Variants in CACNG2 observed in about 807,000 individuals in gnomAD.
CACNG2 encodes the protein calcium voltage-gated channel auxiliary subunit gamma 2.
A neutral mutation model predicts 25.9 loss-of-function variants in CACNG2; 3 were observed. The ratio of observed to expected loss-of-function variants is 0.12; its 90% CI spans 0.05 to 0.30. CACNG2 has a LOEUF of 0.30. Ranked by LOEUF, CACNG2 falls within the 10% of genes least tolerant of loss-of-function variation. CACNG2 has a pLI of 1.00. For missense variants in CACNG2, 341 were observed against 432.5 expected (o/e 0.79, Z 1.88); for synonymous variants, 167 against 173.3 (o/e 0.96, Z 0.29).
chr22:36,655,724 T>C (rs981565102), intron 1 of CACNG2, among the ~76,000 whole-genome samples: 7,767 of 146,202 alleles, frequency 0.053, 732 homozygotes, highest in African/African-American at 0.2. Context: ...TCTTTCTTTC[T>C]TTTCTTTCTT....
At chr22:36,674,801 A>C (rs1325900240) in intron 1 of CACNG2, among the ~76,000 whole-genome samples, 1 of 152,176 alleles carries the variant, frequency 6.6e-6, no homozygotes, top group Non-Finnish European at 1.5e-5. Context: ...CACAGTGGGC[A>C]CCTGAGCCAG....
chr22:36,628,151 G>C (rs1194095739), intron 1 of CACNG2, among the ~76,000 whole-genome samples: 1 of 152,150 alleles, frequency 6.6e-6, no homozygotes, highest in Admixed American at 6.6e-5. Flanking sequence ...ATGTACTCAA[G>C]TTTTTATAAT....
At chr22:36,649,048 G>A (rs754616676) in intron 1 of CACNG2, among the ~76,000 whole-genome samples, 2 of 152,198 alleles carry the variant, frequency 1.3e-5, no homozygotes, top group Non-Finnish European at 2.9e-5. Flanking sequence ...CAAAGCCTCA[G>A]CAAATTGGCT....
chr22:36,578,949 T>C (rs903285449), intron 2 of CACNG2, among the ~76,000 whole-genome samples: 6 of 152,034 alleles, frequency 3.9e-5, no homozygotes, highest in African/African-American at 1.2e-4. Flanking sequence ...GAAACCAAGA[T>C]GAAACAGACC....
At chr22:36,590,261 C>A (rs1190951914) in intron 1 of CACNG2, among the ~76,000 whole-genome samples, 1 of 152,178 alleles carries the variant, frequency 6.6e-6, no homozygotes, top group African/African-American at 2.4e-5. Context: ...GAGATGCTAA[C>A]AGAGAGGCCG....
intron 2 of CACNG2, among the ~76,000 whole-genome samples, chr22:36,578,791 T>TC (rs1250972427): frequency 6.6e-6 from 1 of 152,158 alleles, no homozygotes; most frequent in African/African-American, 2.4e-5. Context: ...CCTTGTTTAT[T>TC]CACTTAGCAA....
Position 36,564,143 on chromosome 22 carries a change from A to C in CACNG2, c.*208T>G. On this transcript the variant is annotated 3_prime_UTR_variant, in exon 4 of 4. Coordinates refer to ENST00000300105, the MANE Select transcript of CACNG2 (RefSeq NM_006078.5). The surrounding 1 kb of genome is among the most constrained non-coding windows in gnomAD (Gnocchi z 6.7). ...TGTTTTGCTTCTTTGTTCCTCTTAT[A>C]TTTTGTTCTTTTTTTTAAAATTTAC... 2.2e-6 allele frequency: 1 copy of C among 452,902 alleles called. No individual in the cohort carries two copies. Among genetic ancestry groups the C allele is most frequent in the Non-Finnish European group, 3.8e-6 (1 of 261,722 alleles). 28.1% of individuals were successfully genotyped at this position (452,902 alleles called of 1,614,324 possible).
chr22:36,680,974 A>G (rs1242461646), intron 1 of CACNG2, among the ~76,000 whole-genome samples: 1 of 151,940 alleles, frequency 6.6e-6, no homozygotes, highest in Non-Finnish European at 1.5e-5. Context: ...TTTCCTGTCA[A>G]CTTCTTTATT....
intron 1 of CACNG2, among the ~76,000 whole-genome samples, chr22:36,652,626 G>A (rs1336834279): frequency 2.0e-5 from 3 of 152,054 alleles, no homozygotes; most frequent in Non-Finnish European, 4.4e-5. Flanking sequence ...GGGACTATAT[G>A]GTTATCAATG....
intron 2 of CACNG2, among the ~76,000 whole-genome samples, chr22:36,571,882 C>CAA (rs1190439992): frequency 0.065 from 6,504 of 99,334 alleles, 349 homozygotes; most frequent in African/African-American, 0.14. Context: ...GTCTCAAAAA[C>CAA]AAAAAAAAAA....
At chr22:36,622,787 C>T (rs7293217) in intron 1 of CACNG2, among the ~76,000 whole-genome samples, 92,582 of 151,620 alleles carry the variant, frequency 0.61, 28,755 homozygotes, top group Non-Finnish European at 0.67. Context: ...GGAGAAACCC[C>T]GTCTCTACCA....
chr22:36,613,082 T>G (rs1935969292), intron 1 of CACNG2, among the ~76,000 whole-genome samples: 2 of 152,116 alleles, frequency 1.3e-5, no homozygotes, highest in African/African-American at 2.4e-5. Flanking sequence ...TTTACTATGC[T>G]AACTGCATTG....
chr22:36,701,160 G>GC (rs891121684), intron 1 of CACNG2, among the ~76,000 whole-genome samples: 7 of 151,952 alleles, frequency 4.6e-5, no homozygotes, highest in Non-Finnish European at 8.8e-5. Flanking sequence ...GCCTCAAACG[G>GC]CCCCCAGTAT....
chr22:36,598,411 A>C (rs773652480), intron 1 of CACNG2, among the ~76,000 whole-genome samples: 78 of 152,114 alleles, frequency 5.1e-4, no homozygotes, highest in Admixed American at 1.1e-3. Flanking sequence ...TGAGGTCAGG[A>C]GTTCAAGACC....
intron 2 of CACNG2, 93 bp downstream of exon 2, chr22:36,587,372 G>A: frequency 1.1e-6 from 1 of 896,242 alleles, no homozygotes; most frequent in South Asian, 1.3e-5. Flanking sequence ...CTGTGATGAG[G>A]GCCTCTAGGT....
chr22:36,629,543 TGAGA>T (rs377251099), intron 1 of CACNG2, among the ~76,000 whole-genome samples: 2 of 151,420 alleles, frequency 1.3e-5, no homozygotes, highest in East Asian at 1.9e-4. Context: ...TGTGTGTGTG[TGAGA>T]GAGAGAGAGA....
chr22:36,614,130 CTT>C (rs764107803), intron 1 of CACNG2, among the ~76,000 whole-genome samples: 1 of 152,194 alleles, frequency 6.6e-6, no homozygotes, highest in African/African-American at 2.4e-5. Context: ...CGTCCAAACT[CTT>C]TGACAAGGTC....
At chr22:36,680,463 C>T (rs991703735) in intron 1 of CACNG2, among the ~76,000 whole-genome samples, 1 of 149,328 alleles carries the variant, frequency 6.7e-6, no homozygotes, top group African/African-American at 2.5e-5. Context: ...TCACCACTTT[C>T]ATCACCACCA....
At chr22:36,602,974 T>C (rs1669452222) in intron 1 of CACNG2, among the ~76,000 whole-genome samples, 1 of 152,154 alleles carries the variant, frequency 6.6e-6, no homozygotes, top group Admixed American at 6.5e-5. Flanking sequence ...TGAACATATC[T>C]CACTTTAAAT....
Sources: allele counts gnomAD v4.1 joint callset (sites outside exome capture counted in the v4.1 genomes callset), GRCh38; gene constraint gnomAD v4.1.1; non-coding constraint Gnocchi (gnomAD v3.1); transcripts MANE v1.5; gene names NCBI Gene and HGNC (gene_info 2026-07-23, HGNC 2026-07-21).